COL22A1: variants seen among roughly 807,000 people sequenced by gnomAD.
The protein encoded by COL22A1 is collagen type XXII alpha 1 chain, also known as collagen alpha-1(XXII) chain.
COL22A1 carries 221 observed loss-of-function variants against 248.9 expected under a neutral mutation model. The ratio of observed to expected loss-of-function variants is 0.89; its 90% CI spans 0.80 to 0.99. COL22A1 has a LOEUF of 0.99. Ranked by LOEUF, COL22A1 falls within the 50% of genes least tolerant of loss-of-function variation. The pLI, the probability that COL22A1 is intolerant of heterozygous loss-of-function variation, is 0.00. For missense variants in COL22A1, 2,240 were observed against 2,179.0 expected (o/e 1.03, Z -0.56); for synonymous variants, 891 against 793.4 (o/e 1.12, Z -2.07).
At chr8:138,676,438 AAAGAAAGAAAGAAAGAAAGG>A (rs1825532676) in intron 41 of COL22A1, 100 bp downstream of exon 41, 1 of 527,494 alleles carries the variant, frequency 1.9e-6, no homozygotes, top group African/African-American at 2.0e-5. Flanking sequence ...AGAAAGAAAG[AAAGAAAGAAAGAAAGAAAGG>A]AAGAAAGAAA....
At chr8:138,771,112 T>C (rs1834330287) in intron 16 of COL22A1, among the ~76,000 whole-genome samples, 1 of 152,188 alleles carries the variant, frequency 6.6e-6, no homozygotes, top group South Asian at 2.1e-4. Context: ...AGGATCACAG[T>C]GCAGGGCTGC....
intron 4 of COL22A1, among the ~76,000 whole-genome samples, chr8:138,836,464 A>G (rs1423221808): frequency 6.6e-6 from 1 of 152,160 alleles, no homozygotes; most frequent in Non-Finnish European, 1.5e-5. Flanking sequence ...AAATGAGAAA[A>G]TGTAGGAACA....
intron 45 of COL22A1, among the ~76,000 whole-genome samples, chr8:138,653,854 T>C (rs970928412): frequency 5.3e-5 from 8 of 152,070 alleles, no homozygotes; most frequent in Admixed American, 1.3e-4. Context: ...AAGATGAACA[T>C]AGTCTGTTCC....
intron 3 of COL22A1, among the ~76,000 whole-genome samples, chr8:138,861,770 C>G (rs1822476542): frequency 6.6e-6 from 1 of 152,198 alleles, no homozygotes; most frequent in Non-Finnish European, 1.5e-5. Flanking sequence ...CACAGTAAAG[C>G]AGTACTCCTC....
At chr8:138,799,765 C>G (rs1187117581) in intron 11 of COL22A1, among the ~76,000 whole-genome samples, 1 of 152,196 alleles carries the variant, frequency 6.6e-6, no homozygotes, top group African/African-American at 2.4e-5. Flanking sequence ...ATTCATTGCT[C>G]TACAGTCTGA....
chr8:138,697,317 T>A (rs1564209219), intron 32 of COL22A1, among the ~76,000 whole-genome samples: 1 of 152,198 alleles, frequency 6.6e-6, no homozygotes, highest in Admixed American at 6.5e-5. Flanking sequence ...TGCCTGGGCA[T>A]CCTGAAGCCT....
At chr8:138,609,956 C>T (rs1818729946) in intron 56 of COL22A1, among the ~76,000 whole-genome samples, 1 of 152,190 alleles carries the variant, frequency 6.6e-6, no homozygotes, top group South Asian at 2.1e-4. Flanking sequence ...CACAGTTCCC[C>T]TTTTCAACCC....
intron 16 of COL22A1, among the ~76,000 whole-genome samples, chr8:138,764,031 T>G (rs1212163639): frequency 6.6e-6 from 1 of 152,204 alleles, no homozygotes; most frequent in Non-Finnish European, 1.5e-5. Flanking sequence ...GAACTCTCCT[T>G]CTATTTCTTT....
intron 56 of COL22A1, among the ~76,000 whole-genome samples, chr8:138,612,536 T>C (rs1209153593): frequency 6.6e-6 from 1 of 152,108 alleles, no homozygotes; most frequent in African/African-American, 2.4e-5. Context: ...TGTGACCGAA[T>C]TGGGAAATTG....
chr8:138,828,493 T>C (rs1819773149), intron 5 of COL22A1, among the ~76,000 whole-genome samples: 1 of 152,190 alleles, frequency 6.6e-6, no homozygotes. Context: ...TACTTTTTCA[T>C]AGTGTTTCTC....
chr8:138,781,506 G>A (rs1467683269), intron 12 of COL22A1, among the ~76,000 whole-genome samples: 2 of 152,144 alleles, frequency 1.3e-5, no homozygotes, highest in African/African-American at 4.8e-5. Flanking sequence ...TCCTGCTTGG[G>A]AACCACTGGG....
At chr8:138,818,348 C>G (rs1818845881) in intron 7 of COL22A1, among the ~76,000 whole-genome samples, 2 of 152,156 alleles carry the variant, frequency 1.3e-5, no homozygotes, top group Non-Finnish European at 2.9e-5. Flanking sequence ...ATCTCCCCAC[C>G]TATAAAATGT....
chr8:138,738,322 G>A (rs542624531), intron 22 of COL22A1, among the ~76,000 whole-genome samples: 2 of 152,156 alleles, frequency 1.3e-5, no homozygotes, highest in Non-Finnish European at 2.9e-5. Context: ...ATAGGGGTAA[G>A]GTGTGTGTTG....
At chr8:138,849,923 G>A (rs1821506490) in intron 3 of COL22A1, among the ~76,000 whole-genome samples, 1 of 152,170 alleles carries the variant, frequency 6.6e-6, no homozygotes, top group South Asian at 2.1e-4. Context: ...CAATCGCTGT[G>A]TGTAATGTCA....
chr8:138,754,306 A>G (rs150478867), intron 21 of COL22A1, among the ~76,000 whole-genome samples: 126 of 152,202 alleles, frequency 8.3e-4, no homozygotes, highest in African/African-American at 2.8e-3. Context: ...TGGAGAGGTC[A>G]CAGAGACATA....
At chr8:138,634,082 C>T (rs377588123) in intron 49 of COL22A1, among the ~76,000 whole-genome samples, 1 of 152,152 alleles carries the variant, frequency 6.6e-6, no homozygotes, top group African/African-American at 2.4e-5. Flanking sequence ...CCATGTCATG[C>T]TTTCATCGGA....
At chr8:138,815,586 C>T (rs1372030222) in intron 7 of COL22A1, among the ~76,000 whole-genome samples, 2 of 152,222 alleles carry the variant, frequency 1.3e-5, no homozygotes, top group Admixed American at 1.3e-4. Context: ...TCTAGCACAA[C>T]ATCCTGAATG....
At position 138,878,079 on chromosome 8, in the gene COL22A1, T is replaced by C; in HGVS notation, c.329A>G (p.Tyr110Cys). 6.3e-7 allele frequency: 1 copy of C among 1,598,474 alleles called. No homozygotes were observed. ...EVKAAARRLA[Y>C]HGGNTNTGDA... ...TCCCGTGTTGGTGTTGCCCCCGTGG[T>C]AGGCGAGACGCCGGGCAGCCGCCTT... Residue 110 changes from tyrosine (Y) to cysteine (C), a missense_variant, in exon 3 of 65, where the codon TAC becomes TGC. Tyr to Cys is a radical substitution (Grantham distance 194). Transcript: ENST00000303045.
At chr8:138,687,152 T>A (rs550962492) in intron 37 of COL22A1, among the ~76,000 whole-genome samples, 1 of 152,198 alleles carries the variant, frequency 6.6e-6, no homozygotes, top group Non-Finnish European at 1.5e-5. Context: ...AGATGGGGTT[T>A]CACCATGTTG....
Sources: allele counts gnomAD v4.1 joint callset (sites outside exome capture counted in the v4.1 genomes callset), GRCh38; gene constraint gnomAD v4.1.1; transcripts MANE v1.5; gene names NCBI Gene and HGNC (gene_info 2026-07-23, HGNC 2026-07-21).